PIK3R1: variants seen among roughly 807,000 people sequenced by gnomAD.
The protein encoded by PIK3R1 is phosphoinositide-3-kinase regulatory subunit 1.
PIK3R1 carries 29 observed loss-of-function variants against 98.0 expected under a neutral mutation model. The ratio of observed to expected loss-of-function variants is 0.30; its 90% confidence interval spans 0.22 to 0.40. The LOEUF is 0.40. Among genes scored for constraint, PIK3R1 ranks in the 10% least tolerant of loss-of-function variants. The pLI, the probability that PIK3R1 is intolerant of heterozygous loss-of-function variation, is 1.00. For missense variants in PIK3R1, 596 were observed against 872.7 expected, an observed-to-expected ratio of 0.68 and a Z score of 3.99; for synonymous variants, 282 against 311.8, an observed-to-expected ratio of 0.90 and a Z score of 1.01.
rs1746795661 is a variant in PIK3R1 at position 68,280,639 on chromosome 5, A to G, written c.746A>G (p.Lys249Arg). The part of the protein sequence containing the change: ...TLQYLLKHFF[K>R]LSQTSSKNLL... ...CAGTATTTGTTAAAACATTTCTTCA[A>G]GCTCTCTCAAACCTCCAGCAAAAAT... Residue 249 changes from lysine to arginine, a missense_variant, in exon 6 of 16, where the codon AAG becomes AGG. This residue lies in a region of PIK3R1 where 352 missense variants were observed against 393.3 expected (regional missense o/e 0.90). Transcript: ENST00000521381. 3.1e-6 allele frequency: 5 copies of G among 1,613,952 alleles called. No individual in the cohort carries two copies. In the South Asian group the frequency reaches 4.4e-5, roughly 14 times the overall value.
rs1744029627 is a variant in PIK3R1, at chr5:68,219,762, G to GA, written c.-387+3817dup. 2.0e-5 allele frequency among the ~76,000 whole-genome samples: 3 copies of GA among 152,352 alleles called. No homozygotes were observed. In the East Asian group the frequency reaches 5.8e-4, roughly 29 times the overall value. On this transcript the variant is annotated intron_variant, in intron 1 of 15. Transcript: ENST00000521381. The stretch of plus-strand genomic sequence containing the variant: ...TGCAGAGTTAAGAGGCAATGCAGAA[G>GA]AAAATCCCTCATAAATGTTTGTTCC...
At chr5:68,295,390 A>T in intron 13 of PIK3R1, 30 bp from the exon 14 acceptor site, 1 of 1,613,834 alleles carries the variant, frequency 6.2e-7, no homozygotes, top group Non-Finnish European at 8.5e-7. Flanking sequence ...GGATGAGTTA[A>T]TGCGTTCTCT....
intron 2 of PIK3R1, among the ~76,000 whole-genome samples, chr5:68,255,193 C>T (rs1207235801): frequency 6.6e-6 from 1 of 152,104 alleles, no homozygotes; most frequent in African/African-American, 2.4e-5. Flanking sequence ...TGTTTCAGTC[C>T]CTGATTTGCA....
At chr5:68,278,374 G>A (rs1746670336) in intron 4 of PIK3R1, among the ~76,000 whole-genome samples, 1 of 152,112 alleles carries the variant, frequency 6.6e-6, no homozygotes, top group Non-Finnish European at 1.5e-5. Flanking sequence ...CTAAAAGTCT[G>A]TAGTATCTTA....
At chr5:68,216,210 C>G (rs1040191432) in intron 1 of PIK3R1, among the ~76,000 whole-genome samples, 3 of 152,198 alleles carry the variant, frequency 2.0e-5, no homozygotes, top group Non-Finnish European at 2.9e-5. Context: ...CTCCTGCGAG[C>G]TGGTCCTGCA....
intron 4 of PIK3R1, among the ~76,000 whole-genome samples, chr5:68,276,328 G>A (rs1746570093): frequency 6.6e-6 from 1 of 152,184 alleles, no homozygotes; most frequent in South Asian, 2.1e-4. Context: ...TTCTCCCCCA[G>A]TTGTGACAAT....
In PIK3R1 at chr5:68,280,676, A is replaced by G. The variant is rs774066607; in HGVS notation, c.783A>G (p.Ala261=). 2.5e-6 allele frequency: 4 copies of G among 1,614,140 alleles called. No individual in the cohort carries two copies. The highest frequency in any genetic ancestry group is 3.4e-6 in the Non-Finnish European group (4 of 1,179,994). ...CCTCCAGCAAAAATCTGTTGAATGC[A>G]AGAGTACTCTCTGAAATTTTCAGCC... The part of the protein sequence containing the change: ...SQTSSKNLLN[A]RVLSEIFSPM... The change falls in exon 6 of 16, where the codon GCA becomes GCG. Residue 261 remains alanine (A), a synonymous_variant. Transcript: ENST00000521381.
intron 2 of PIK3R1, among the ~76,000 whole-genome samples, chr5:68,247,023 CT>C (rs1745123557): frequency 6.6e-6 from 1 of 152,144 alleles, no homozygotes; most frequent in Non-Finnish European, 1.5e-5. Context: ...AAAGGAAGAA[CT>C]AAAACTAAAA....
intron 7 of PIK3R1, among the ~76,000 whole-genome samples, chr5:68,285,456 T>C (rs1455232909): frequency 6.6e-6 from 1 of 152,230 alleles, no homozygotes; most frequent in East Asian, 1.9e-4. Context: ...GGTCTGACAT[T>C]AGAGGGTTGC....
Position 68,288,645 on chromosome 5 carries a change from C to CG in PIK3R1, c.917-3609dup, listed in dbSNP as rs1250632689. 4 of 1,599,770 alleles carry CG rather than the reference C, an allele frequency of 2.5e-6. No individual in the cohort carries two copies. In the African/African-American group the frequency reaches 5.4e-5, roughly 22 times the overall value. Reference sequence around the variant, plus strand: ...GCCGGGAACAGGCTGGGGGGAGGTGCGGGGGCTTGGCCCACTTGGTGGAAG... The same window carrying CG: ...GCCGGGAACAGGCTGGGGGGAGGTGCGGGGGGCTTGGCCCACTTGGTGGAAG... On this transcript the variant is annotated intron_variant, in intron 7 of 15. Transcript: ENST00000521381.
chr5:68,230,013 A>T (rs1027157757), intron 2 of PIK3R1, among the ~76,000 whole-genome samples: 1 of 152,244 alleles, frequency 6.6e-6, no homozygotes, highest in African/African-American at 2.4e-5. Context: ...GCAAAGATAA[A>T]AGATGAAATC....
At chr5:68,264,903 T>C (rs1263606233) in intron 2 of PIK3R1, among the ~76,000 whole-genome samples, 2 of 152,166 alleles carry the variant, frequency 1.3e-5, no homozygotes, top group East Asian at 3.8e-4. Context: ...CAGACCAAAT[T>C]TGATATGATA....
In PIK3R1 at chr5:68,299,451, G is replaced by A. The variant is rs369524767; in HGVS notation, c.*1850G>A. The A allele has an allele frequency of 1.7e-5, 4 of 233,304 alleles. No homozygotes were observed. The highest frequency in any genetic ancestry group is 1.8e-4 in the South Asian group (1 of 5,526). The allele number at this position is 233,304 out of a possible 1,614,324, so 14.5% of individuals were successfully genotyped here. A position where few individuals can be genotyped will look rare whatever the true frequency, so the allele number is the denominator to read the frequency against. ...TTCACTACGGGGGGGAGAAGGAAAC[G>A]TTAGCATCATGTTTCCCATTTAGGG... On this transcript the variant is annotated 3_prime_UTR_variant, in exon 16 of 16. Transcript: ENST00000521381.
intron 7 of PIK3R1, among the ~76,000 whole-genome samples, chr5:68,284,422 C>G (rs552417847): frequency 1.3e-5 from 2 of 152,164 alleles, no homozygotes; most frequent in African/African-American, 4.8e-5. Flanking sequence ...GAGAAAGGTG[C>G]CTTTGTATGA....
intron 7 of PIK3R1, among the ~76,000 whole-genome samples, chr5:68,290,051 T>A (rs993953643): frequency 1.3e-5 from 2 of 152,198 alleles, no homozygotes; most frequent in African/African-American, 4.8e-5. Flanking sequence ...GTCTATAAAG[T>A]CTAGTTTTAA....
intron 2 of PIK3R1, among the ~76,000 whole-genome samples, chr5:68,235,401 A>AAAATAAATAAATAAAT (rs145734363): frequency 6.9e-6 from 1 of 145,322 alleles, no homozygotes; most frequent in Non-Finnish European, 1.5e-5. Context: ...AAAGTGTCTC[A>AAAATAAATAAATAAAT]AAATAAATAA....
Position 68,290,758 on chromosome 5 carries a change from C to T in PIK3R1, c.917-1501C>T, listed in dbSNP as rs556342472. On this transcript the variant is annotated intron_variant, in intron 7 of 15. Transcript: ENST00000521381. ...ACAATACTGTTTGGAATATGGAAGA[C>T]CTGGATTTAGAATATGCCAAGACAG... 134 of 1,613,460 alleles carry T rather than the reference C, an allele frequency of 8.3e-5. 2 individuals are homozygous for T. The South Asian group carries it at 1.4e-3, about 17-fold the overall frequency.
At position 68,297,848 on chromosome 5, in the gene PIK3R1, A is replaced by C. The variant is rs1256997923; in HGVS notation, c.*247A>C. On this transcript the variant is annotated 3_prime_UTR_variant, in exon 16 of 16. Coordinates refer to ENST00000521381, the MANE Select transcript of PIK3R1 (RefSeq NM_181523.3). The stretch of plus-strand genomic sequence containing the variant: ...TCTTTTTCTTTTTTTCTTTGGTTTA[A>C]TTTAAAGCCACAACCACATACAACA... 1 of 342,536 alleles carries C rather than the reference A, an allele frequency of 2.9e-6. No individual in the cohort carries two copies. The highest frequency in any genetic ancestry group is 1.0e-4 in the South Asian group (1 of 9,798). 21.2% of individuals were successfully genotyped at this position (342,536 alleles called of 1,614,324 possible).
chr5:68,282,371 G>A (rs1158182984), intron 7 of PIK3R1, among the ~76,000 whole-genome samples: 1 of 152,130 alleles, frequency 6.6e-6, no homozygotes, highest in African/African-American at 2.4e-5. Context: ...TGAGGTTTAT[G>A]TTAGAGACTA....
Sources: allele counts gnomAD v4.1 joint callset (sites outside exome capture counted in the v4.1 genomes callset), GRCh38; gene constraint gnomAD v4.1.1; regional missense constraint gnomAD v4.1.1; transcripts MANE v1.5; gene names NCBI Gene and HGNC (gene_info 2026-07-23, HGNC 2026-07-21).